CNTN4: variants seen among roughly 807,000 people sequenced by gnomAD.
CNTN4 encodes contactin 4.
A neutral mutation model predicts 122.5 loss-of-function variants in CNTN4; 77 were observed. The ratio of observed to expected loss-of-function variants is 0.63; its 90% confidence interval spans 0.52 to 0.76. The LOEUF (loss-of-function observed/expected upper bound fraction) is 0.76. CNTN4 is among the 30% of genes least tolerant of loss of function. CNTN4 has a pLI of 0.00. For missense variants in CNTN4, 1,256 were observed against 1,259.1 expected, an observed-to-expected ratio of 1.00 and a Z score of 0.04; for synonymous variants, 512 against 447.0, an observed-to-expected ratio of 1.15 and a Z score of -1.83.
chr3:3,009,564 G>A (rs962136860), intron 14 of CNTN4, among the ~76,000 whole-genome samples: 1 of 146,230 alleles, frequency 6.8e-6, no homozygotes. Context: ...TTCCCGAGTA[G>A]CTGGGACTAC....
intron 2 of CNTN4, among the ~76,000 whole-genome samples, chr3:2,170,314 C>T (rs4470496): frequency 0.085 from 12,895 of 151,676 alleles, 776 homozygotes; most frequent in East Asian, 0.23. Context: ...ACCAAGACTC[C>T]GTCTCAAAAC....
chr3:2,721,376 C>A (rs1022401513), intron 4 of CNTN4, among the ~76,000 whole-genome samples: 1 of 152,148 alleles, frequency 6.6e-6, no homozygotes, highest in African/African-American at 2.4e-5. Context: ...GCTTTTGGGG[C>A]CTCACTGTAT....
intron 6 of CNTN4, among the ~76,000 whole-genome samples, chr3:2,795,928 C>A (rs554162829): frequency 1.3e-5 from 2 of 152,154 alleles, no homozygotes; most frequent in Non-Finnish European, 2.9e-5. Flanking sequence ...GTAATCTTTT[C>A]ATTACACCTA....
intron 6 of CNTN4, among the ~76,000 whole-genome samples, chr3:2,806,527 C>T (rs187639473): frequency 1.1e-4 from 17 of 152,314 alleles, no homozygotes; most frequent in Middle Eastern, 3.4e-3. Context: ...CAGATGATCA[C>T]CATGCTAGTT....
intron 3 of CNTN4, among the ~76,000 whole-genome samples, chr3:2,431,755 T>C (rs2151203932): frequency 6.6e-6 from 1 of 152,306 alleles, no homozygotes; most frequent in East Asian, 1.9e-4. Context: ...GTAGGAAAAG[T>C]ACAGGAAATT....
chr3:2,205,363 T>G (rs2038292060), intron 2 of CNTN4, among the ~76,000 whole-genome samples: 1 of 149,872 alleles, frequency 6.7e-6, no homozygotes, highest in Non-Finnish European at 1.5e-5. Context: ...TGTAATATAA[T>G]TATAATATAC....
At chr3:2,131,364 C>T (rs927316021) in intron 2 of CNTN4, among the ~76,000 whole-genome samples, 17 of 152,058 alleles carry the variant, frequency 1.1e-4, no homozygotes, top group Admixed American at 2.0e-4. Context: ...GGAATTAATA[C>T]GAAGGGTATC....
At chr3:2,589,714 G>A (rs919510162) in intron 4 of CNTN4, among the ~76,000 whole-genome samples, 1 of 152,208 alleles carries the variant, frequency 6.6e-6, no homozygotes, top group African/African-American at 2.4e-5. Flanking sequence ...CTGAAGGTTT[G>A]ACTGCGGCTA....
chr3:2,293,436 T>C (rs2042201792), intron 2 of CNTN4, among the ~76,000 whole-genome samples: 1 of 152,230 alleles, frequency 6.6e-6, no homozygotes, highest in Non-Finnish European at 1.5e-5. Flanking sequence ...CAGAATGGCA[T>C]AGTATTTATT....
chr3:2,415,295 G>GT (rs1162603639), intron 3 of CNTN4, among the ~76,000 whole-genome samples: 6 of 152,160 alleles, frequency 3.9e-5, no homozygotes, highest in African/African-American at 1.4e-4. Context: ...GATTGTGTTG[G>GT]TTTGTAAAGG....
intron 2 of CNTN4, among the ~76,000 whole-genome samples, chr3:2,227,477 G>A (rs574424743): frequency 6.6e-6 from 1 of 152,218 alleles, no homozygotes; most frequent in Middle Eastern, 3.4e-3. Flanking sequence ...AAAGCATAAG[G>A]TATGAAAGGA....
intron 4 of CNTN4, among the ~76,000 whole-genome samples, chr3:2,657,765 C>T (rs918266835): frequency 1.3e-5 from 2 of 151,652 alleles, no homozygotes; most frequent in African/African-American, 4.9e-5. Flanking sequence ...GCAAATCGTT[C>T]TAGAGAAAAA....
intron 3 of CNTN4, 24 bp from the exon 4 acceptor site, chr3:2,571,392 T>C (rs369433480): frequency 3.8e-6 from 3 of 783,554 alleles, no homozygotes; most frequent in African/African-American, 3.4e-5. Flanking sequence ...CAAATCTCAT[T>C]GTAATGTCTC....
intron 3 of CNTN4, among the ~76,000 whole-genome samples, chr3:2,544,222 C>T (rs542496567): frequency 9.2e-5 from 14 of 152,198 alleles, no homozygotes; most frequent in African/African-American, 2.6e-4. Flanking sequence ...CAATTATTCA[C>T]GCATCAAGCT....
intron 13 of CNTN4, among the ~76,000 whole-genome samples, chr3:2,969,996 G>T (rs1407542178): frequency 1.3e-5 from 2 of 152,134 alleles, no homozygotes; most frequent in African/African-American, 4.8e-5. Flanking sequence ...GGGGTTAGGA[G>T]TACCAACCCT....
At chr3:2,287,859 A>G (rs530364234) in intron 2 of CNTN4, among the ~76,000 whole-genome samples, 2 of 152,268 alleles carry the variant, frequency 1.3e-5, no homozygotes, top group East Asian at 1.9e-4. Context: ...TGAACTATTT[A>G]TATTCATCTA....
At chr3:2,985,077 C>T (rs1221065864) in intron 13 of CNTN4, among the ~76,000 whole-genome samples, 1 of 152,172 alleles carries the variant, frequency 6.6e-6, no homozygotes, top group African/African-American at 2.4e-5. Flanking sequence ...GAACAAAAGG[C>T]CTTCTTGTCT....
chr3:2,676,365 G>A (rs2084844775), intron 4 of CNTN4, among the ~76,000 whole-genome samples: 3 of 152,218 alleles, frequency 2.0e-5, no homozygotes, highest in Admixed American at 6.5e-5. Flanking sequence ...GGAATTACAG[G>A]TGTGCACCAC....
chr3:2,663,845 T>G (rs2084021148), intron 4 of CNTN4, among the ~76,000 whole-genome samples: 1 of 152,196 alleles, frequency 6.6e-6, no homozygotes, highest in African/African-American at 2.4e-5. Context: ...GCATACATAT[T>G]ACAACAAAGA....
Sources: allele counts gnomAD v4.1 joint callset (sites outside exome capture counted in the v4.1 genomes callset), GRCh38; gene constraint gnomAD v4.1.1; transcripts MANE v1.5; gene names NCBI Gene and HGNC (gene_info 2026-07-23, HGNC 2026-07-21).